DNAI7: variants seen among roughly 807,000 people sequenced by gnomAD.
DNAI7 encodes cancer susceptibility 1.
DNAI7 carries 78 observed loss-of-function variants against 86.6 expected under a neutral mutation model. The ratio of observed to expected loss-of-function variants is 0.90; its 90% CI spans 0.75 to 1.09. DNAI7 has a LOEUF of 1.09. DNAI7 is among the 50% of genes least tolerant of loss of function. The pLI, the probability that DNAI7 is intolerant of heterozygous loss-of-function variation, is 0.00. For synonymous variants in DNAI7, 274 were observed against 273.0 expected, an observed-to-expected ratio of 1.00 and a Z score of -0.04; for missense variants, 753 against 810.2, an observed-to-expected ratio of 0.93 and a Z score of 0.86.
At chr12:25,155,698 T>G (rs1946078163) in intron 4 of DNAI7, among the ~76,000 whole-genome samples, 2 of 152,272 alleles carry the variant, frequency 1.3e-5, no homozygotes, top group Non-Finnish European at 1.5e-5. Context: ...TGTATCTATT[T>G]GCACTGATTG....
At chr12:25,115,733 G>C (rs932946456) in intron 12 of DNAI7, among the ~76,000 whole-genome samples, 3 of 152,116 alleles carry the variant, frequency 2.0e-5, no homozygotes, top group Non-Finnish European at 4.4e-5. Context: ...AAAATGGTAC[G>C]GCTACTTTGA....
chr12:25,147,483 C>CCG (rs765651980), intron 7 of DNAI7, among the ~76,000 whole-genome samples: 3 of 150,124 alleles, frequency 2.0e-5, no homozygotes, highest in East Asian at 3.9e-4. Flanking sequence ...GAGACCACCC[C>CCG]CATCTCTACA....
In DNAI7 at chr12:25,108,467, C is replaced by A. The variant is rs1949406845; in HGVS notation, c.*81G>T. The A allele has an allele frequency of 8.7e-7, 1 of 1,155,858 alleles. No homozygotes were observed. Among genetic ancestry groups the A allele is most frequent in the South Asian group, 1.7e-5 (1 of 59,030 alleles). 71.6% of individuals were successfully genotyped at this position (1,155,858 alleles called of 1,614,324 possible). Reference sequence around the variant, plus strand: ...AGTTGATTTGAAATGTATTCATTCACTCATTACATTGTGTTGCAGAAATAC... The same window carrying A: ...AGTTGATTTGAAATGTATTCATTCAATCATTACATTGTGTTGCAGAAATAC... On this transcript the variant is annotated 3_prime_UTR_variant, in exon 16 of 16. Coordinates refer to ENST00000395987, the MANE Select transcript of DNAI7 (RefSeq NM_018272.5).
chr12:25,143,711 CTT>C (rs1412969900), intron 9 of DNAI7, among the ~76,000 whole-genome samples: 1 of 152,110 alleles, frequency 6.6e-6, no homozygotes, highest in Admixed American at 6.5e-5. Flanking sequence ...TGTCAGAAAA[CTT>C]GAGATATTTT....
At chr12:25,108,140 G>GAAAGT (rs1424128041), downstream of DNAI7, 1 of 1,490,448 alleles carries the variant, frequency 6.7e-7, no homozygotes, top group Non-Finnish European at 9.1e-7. Flanking sequence ...TTTTAGCTGG[G>GAAAGT]AAAGTATAGC....
intron 2 of DNAI7, among the ~76,000 whole-genome samples, chr12:25,162,598 C>T (rs73286860): frequency 0.02 from 3,029 of 152,278 alleles, 80 homozygotes; most frequent in African/African-American, 0.069. Flanking sequence ...TTTTGGTTCA[C>T]CTTCTCTAAG....
intron 6 of DNAI7, 101 bp downstream of exon 6, chr12:25,154,218 A>T (rs1945887728): frequency 1.1e-6 from 1 of 905,080 alleles, no homozygotes; most frequent in Non-Finnish European, 1.6e-6. Context: ...GTTCAAAAGC[A>T]GTAGTGTTAT....
Position 25,119,250 on chromosome 12 carries a change from C to A in DNAI7, c.1291G>T (p.Glu431Ter). The change falls in exon 12 of 16, where the codon GAG (glutamate) becomes TAG (stop). Residue 431 changes from glutamate to a stop codon, truncating the protein, a stop_gained. Transcript: ENST00000395987. LOFTEE classifies it high-confidence loss of function. ...GGGAAAGCATTTTCTGTCTCAAACT[C>A]TTCTGTAGTTTCCGGAGGATATGTG... is the stretch of plus-strand genomic sequence containing the variant. ...KYTYPPETTE[E>*]FETENAFPPI... 1 of 1,612,112 alleles carries A rather than the reference C, an allele frequency of 6.2e-7. No individual in the cohort carries two copies. The highest frequency in any genetic ancestry group is 1.1e-5 in the South Asian group (1 of 90,906).
intron 3 of DNAI7, among the ~76,000 whole-genome samples, chr12:25,160,103 CTTTT>C (rs1017937259): frequency 9.9e-5 from 15 of 151,836 alleles, no homozygotes; most frequent in African/African-American, 3.1e-4. Flanking sequence ...CTCCTAATTT[CTTTT>C]TTTGTTTTGT....
At chr12:25,147,401 G>C (rs1363974074) in intron 7 of DNAI7, among the ~76,000 whole-genome samples, 1 of 151,986 alleles carries the variant, frequency 6.6e-6, no homozygotes, top group African/African-American at 2.4e-5. Context: ...CCTGTAATCT[G>C]AGCACTTTGG....
intron 3 of DNAI7, 118 bp downstream of exon 3, chr12:25,160,995 A>T (rs1260617640): frequency 1.4e-6 from 1 of 713,394 alleles, no homozygotes; most frequent in East Asian, 2.8e-5. Context: ...TACCTATTAT[A>T]AAACAGATTA....
At chr12:25,159,993 G>C (rs889429131) in intron 3 of DNAI7, among the ~76,000 whole-genome samples, 3 of 152,056 alleles carry the variant, frequency 2.0e-5, no homozygotes, top group Admixed American at 2.0e-4. Flanking sequence ...TTATAAAACT[G>C]TAAAAATTTA....
intron 9 of DNAI7, among the ~76,000 whole-genome samples, chr12:25,136,429 T>C (rs913088583): frequency 2.0e-5 from 3 of 152,184 alleles, no homozygotes; most frequent in African/African-American, 7.2e-5. Flanking sequence ...GCCCCAGATC[T>C]TTCCTCTCAT....
chr12:25,110,364 A>C (rs909187189), intron 14 of DNAI7, 124 bp from the exon 15 acceptor site: 11 of 633,100 alleles, frequency 1.7e-5, no homozygotes, highest in South Asian at 1.7e-4. Flanking sequence ...GTCAGAGTAC[A>C]TGACTCCTCT....
intron 5 of DNAI7, among the ~76,000 whole-genome samples, chr12:25,154,932 T>A (rs1202348739): frequency 2.6e-5 from 4 of 152,206 alleles, no homozygotes; most frequent in Non-Finnish European, 5.9e-5. Flanking sequence ...TATACCACAA[T>A]CTTTAGCCAT....
In DNAI7 at chr12:25,161,508, T is replaced by C. The variant is rs148006002; in HGVS notation, c.22-311A>G. ...TAAAATGGTGCTAAAGAAAACCTCATCTTGTTGTAGAGAATAAAGTAAAAC... is the reference window on the plus strand; with the variant it reads ...TAAAATGGTGCTAAAGAAAACCTCACCTTGTTGTAGAGAATAAAGTAAAAC... On this transcript the variant is annotated intron_variant, in intron 2 of 15. Coordinates refer to ENST00000395987, the MANE Select transcript of DNAI7 (RefSeq NM_018272.5). Among the ~76,000 whole-genome samples, 537 of 152,302 alleles carry C rather than the reference T, an allele frequency of 3.5e-3. 4 individuals carry two copies. The highest frequency in any genetic ancestry group is 0.012 in the African/African-American group (516 of 41,550).
chr12:25,130,354 G>A (rs184118897), intron 9 of DNAI7, among the ~76,000 whole-genome samples: 171 of 151,720 alleles, frequency 1.1e-3, no homozygotes, highest in African/African-American at 3.9e-3. Flanking sequence ...TGACTAACAC[G>A]GTGAAACCCC....
At chr12:25,121,728 A>T (rs1185129690) in intron 11 of DNAI7, 25 bp downstream of exon 11, 11 of 1,568,642 alleles carry the variant, frequency 7.0e-6, no homozygotes, top group Non-Finnish European at 9.5e-6. Context: ...TTTACTTATA[A>T]GTTTTGATTC....
At chr12:25,181,522 C>G (rs764698124) in intron 2 of DNAI7, among the ~76,000 whole-genome samples, 6 of 151,918 alleles carry the variant, frequency 3.9e-5, no homozygotes, top group African/African-American at 7.3e-5. Context: ...GCAATTGCAA[C>G]AAAAACAAAA....
Sources: allele counts gnomAD v4.1 joint callset (sites outside exome capture counted in the v4.1 genomes callset), GRCh38; gene constraint gnomAD v4.1.1; transcripts MANE v1.5; gene names NCBI Gene and HGNC (gene_info 2026-07-23, HGNC 2026-07-21).